EML6: variants seen among roughly 807,000 people sequenced by gnomAD.
The protein encoded by EML6 is EMAP like 6.
In EML6, 154 loss-of-function variants were observed where a neutral mutation model predicts 240.1. The ratio of observed to expected loss-of-function variants is 0.64; its 90% CI spans 0.56 to 0.73. EML6 has a LOEUF of 0.73. Among genes scored for constraint, EML6 ranks in the 30% least tolerant of loss-of-function variants. EML6 has a pLI of 0.00. For synonymous variants in EML6, 1,148 were observed against 899.0 expected, an observed-to-expected ratio of 1.28 and a Z score of -4.95; for missense variants, 2,964 against 2,474.6, an observed-to-expected ratio of 1.20 and a Z score of -4.20.
intron 2 of EML6, among the ~76,000 whole-genome samples, chr2:54,727,182 G>GAATTAAGAGCTAT (rs1553366695): frequency 1.3e-5 from 2 of 151,352 alleles, no homozygotes; most frequent in African/African-American, 2.4e-5. Flanking sequence ...ACTGATGAAG[G>GAATTAAGAGCTAT]GAAAAAGAGA....
At chr2:54,736,941 T>C (rs1683423811) in intron 2 of EML6, among the ~76,000 whole-genome samples, 2 of 152,330 alleles carry the variant, frequency 1.3e-5, no homozygotes, top group Non-Finnish European at 2.9e-5. Context: ...AAAAATGTTA[T>C]TCTTGTAAAA....
intron 2 of EML6, among the ~76,000 whole-genome samples, chr2:54,803,471 C>G (rs1670290930): frequency 6.6e-6 from 1 of 152,128 alleles, no homozygotes; most frequent in African/African-American, 2.4e-5. Context: ...CTAGACCCTC[C>G]TCTAGCAGCT....
intron 22 of EML6, among the ~76,000 whole-genome samples, chr2:54,901,931 C>A (rs1408454250): frequency 2.6e-5 from 4 of 152,314 alleles, no homozygotes; most frequent in Middle Eastern, 3.4e-3. Flanking sequence ...GTCTTTGTGA[C>A]CCTACAAAGG....
chr2:54,848,586 T>C (rs1669901067), intron 9 of EML6, among the ~76,000 whole-genome samples: 1 of 148,556 alleles, frequency 6.7e-6, no homozygotes, highest in Non-Finnish European at 1.5e-5. Flanking sequence ...GACATTCTAG[T>C]ACACCATAAT....
At chr2:54,943,070 C>G (rs1160691691) in intron 28 of EML6, among the ~76,000 whole-genome samples, 2 of 152,188 alleles carry the variant, frequency 1.3e-5, no homozygotes, top group Admixed American at 1.3e-4. Context: ...CTCCTCCATC[C>G]TTTCCTTTGG....
chr2:54,912,396 CTTTATT>C (rs1673689408), intron 25 of EML6, among the ~76,000 whole-genome samples: 1 of 152,084 alleles, frequency 6.6e-6, no homozygotes, highest in Non-Finnish European at 1.5e-5. Flanking sequence ...CTTTATACAC[CTTTATT>C]TTTAATTTTA....
At position 54,971,595 on chromosome 2, in the gene EML6, T is replaced by C. The variant is rs1329442012; in HGVS notation, c.*1500T>C. The C allele has an allele frequency of 6.6e-6, 1 of 152,248 alleles. No individual in the cohort carries two copies. Among genetic ancestry groups the C allele is most frequent in the South Asian group, 2.1e-4 (1 of 4,826 alleles). 9.4% of individuals were successfully genotyped at this position (152,248 alleles called of 1,614,324 possible). On this transcript the variant is annotated 3_prime_UTR_variant, in exon 42 of 42. Coordinates refer to ENST00000356458, the MANE Select transcript of EML6 (RefSeq NM_001039753.4). ...GATCACTCATTAAGCTATTTTTATATGCCAATTTACTAATGCCTTACATCA... is the reference window on the plus strand; with the variant it reads ...GATCACTCATTAAGCTATTTTTATACGCCAATTTACTAATGCCTTACATCA...
intron 16 of EML6, among the ~76,000 whole-genome samples, chr2:54,873,078 T>C (rs982198380): frequency 3.3e-5 from 5 of 152,202 alleles, no homozygotes; most frequent in Admixed American, 2.6e-4. Context: ...AATGAACAAA[T>C]GAGGTTCTGC....
intron 2 of EML6, among the ~76,000 whole-genome samples, chr2:54,779,563 A>G (rs1184133059): frequency 2.7e-5 from 4 of 149,144 alleles, no homozygotes; most frequent in Non-Finnish European, 5.9e-5. Flanking sequence ...AAAAAAAAAA[A>G]AGAATATAGG....
At chr2:54,865,383 G>T (rs1309716550) in intron 13 of EML6, among the ~76,000 whole-genome samples, 2 of 152,078 alleles carry the variant, frequency 1.3e-5, no homozygotes, top group East Asian at 3.9e-4. Flanking sequence ...AAGCTGAGGT[G>T]GGAGGATTGC....
At chr2:54,905,320 CG>C (rs2104240736) in intron 24 of EML6, among the ~76,000 whole-genome samples, 2 of 89,350 alleles carry the variant, frequency 2.2e-5, no homozygotes, top group South Asian at 9.1e-4. Context: ...ATTTAGAATC[CG>C]ACACACACAC....
chr2:54,933,755 C>G (rs1364519399), intron 28 of EML6, among the ~76,000 whole-genome samples: 2 of 151,900 alleles, frequency 1.3e-5, no homozygotes, highest in East Asian at 1.9e-4. Flanking sequence ...AAAAAACCCA[C>G]TAAAAACCCC....
At chr2:54,847,068 C>G (rs1472767610) in intron 8 of EML6, among the ~76,000 whole-genome samples, 1 of 151,728 alleles carries the variant, frequency 6.6e-6, no homozygotes, top group African/African-American at 2.4e-5. Context: ...CTACCACATC[C>G]AGCTAATTTT....
chr2:54,789,330 G>A (rs1472435008), intron 2 of EML6, among the ~76,000 whole-genome samples: 7 of 151,398 alleles, frequency 4.6e-5, no homozygotes, highest in Non-Finnish European at 7.4e-5. Flanking sequence ...TGGCTAACAC[G>A]GTGAAACCCC....
chr2:54,867,039 A>G (rs926844920), intron 14 of EML6, 155 bp downstream of exon 14: 8 of 511,088 alleles, frequency 1.6e-5, no homozygotes, highest in African/African-American at 9.6e-5. Context: ...TGTGGTTGCT[A>G]TTTTAAGTGT....
At chr2:54,751,081 C>T (rs535021882) in intron 2 of EML6, among the ~76,000 whole-genome samples, 3 of 152,238 alleles carry the variant, frequency 2.0e-5, no homozygotes, top group African/African-American at 7.2e-5. Flanking sequence ...CAGATGAGTC[C>T]AGGAAACAAT....
chr2:54,964,650 A>T lies in EML6; in HGVS notation c.5410A>T (p.Asn1804Tyr), dbSNP rs772379319. The part of the protein sequence containing the change: ...VDFYDLTQGT[N>Y]LNRIGYCKDI... ...CTTCTATGACCTCACTCAGGGCACA[A>T]ATCTGAACCGCATTGGCTACTGCAA... Residue 1804 changes from asparagine to tyrosine, a missense_variant, in exon 38 of 42, where the codon AAT becomes TAT. Coordinates refer to ENST00000356458, the MANE Select transcript of EML6 (RefSeq NM_001039753.4). The T allele has an allele frequency of 1.9e-6, 3 of 1,552,370 alleles. No individual in the cohort carries two copies. Among genetic ancestry groups the T allele is most frequent in the Non-Finnish European group, 2.6e-6 (3 of 1,147,134 alleles).
intron 5 of EML6, among the ~76,000 whole-genome samples, chr2:54,826,424 C>T (rs1190780539): frequency 2.0e-5 from 3 of 152,148 alleles, no homozygotes; most frequent in Non-Finnish European, 4.4e-5. Flanking sequence ...CATGGTGAAA[C>T]CCCATCTCTA....
At chr2:54,943,370 C>G (rs977490048) in intron 28 of EML6, among the ~76,000 whole-genome samples, 2 of 152,176 alleles carry the variant, frequency 1.3e-5, no homozygotes, top group African/African-American at 2.4e-5. Context: ...GTCACTCTCC[C>G]ACAGCCAGAT....
Sources: allele counts gnomAD v4.1 joint callset (sites outside exome capture counted in the v4.1 genomes callset), GRCh38; gene constraint gnomAD v4.1.1; transcripts MANE v1.5; gene names NCBI Gene and HGNC (gene_info 2026-07-23, HGNC 2026-07-21).